CNTNAP5: variants seen among roughly 807,000 people sequenced by gnomAD.
CNTNAP5 encodes the protein contactin-associated protein-like 5.
Under a neutral mutation model 150.2 loss-of-function variants are expected in CNTNAP5, and 72 were observed. The ratio of observed to expected loss-of-function variants is 0.48; its 90% CI spans 0.40 to 0.58. The LOEUF is 0.58. CNTNAP5 is among the 20% of genes least tolerant of loss of function. CNTNAP5 has a pLI of 0.00. For missense variants in CNTNAP5, 1,636 were observed against 1,626.2 expected, an observed-to-expected ratio of 1.01 and a Z score of -0.10; for synonymous variants, 672 against 619.8, an observed-to-expected ratio of 1.08 and a Z score of -1.25.
chr2:124,903,969 G>A (rs889002139), intron 22 of CNTNAP5, among the ~76,000 whole-genome samples: 4 of 142,604 alleles, frequency 2.8e-5, no homozygotes, highest in East Asian at 2.1e-4. Context: ...AATGAGAATC[G>A]CTTGAACCTG....
intron 3 of CNTNAP5, among the ~76,000 whole-genome samples, chr2:124,274,397 C>T (rs1184951778): frequency 1.3e-5 from 2 of 152,162 alleles, no homozygotes; most frequent in Non-Finnish European, 2.9e-5. Context: ...ATTTTCACCG[C>T]TTTTTCCCTC....
In CNTNAP5 at chr2:124,830,959, G is replaced by T. The variant is rs542749042; in HGVS notation, c.3217+32639G>T. ...ACATAAATCTGAAAAGCTTCAAAAA[G>T]AAACTGATTTCAGAATTAAAAATCA... On this transcript the variant is annotated intron_variant, in intron 19 of 23. Coordinates refer to ENST00000682447, the MANE Select transcript of CNTNAP5 (RefSeq NM_001367498.1). Among the ~76,000 whole-genome samples, 92 of 152,072 alleles carry T rather than the reference G, an allele frequency of 6.0e-4. 1 individual carries two copies. Among genetic ancestry groups the T allele is most frequent in the Middle Eastern group, 3.4e-3 (1 of 294 alleles).
chr2:124,610,222 A>T (rs1677350619), intron 12 of CNTNAP5, among the ~76,000 whole-genome samples: 1 of 152,212 alleles, frequency 6.6e-6, no homozygotes, highest in Admixed American at 6.5e-5. Context: ...CAAAAACAGA[A>T]AGAAAAGGTA....
intron 13 of CNTNAP5, among the ~76,000 whole-genome samples, chr2:124,718,351 G>A (rs2105112991): frequency 6.6e-6 from 1 of 152,254 alleles, no homozygotes; most frequent in African/African-American, 2.4e-5. Flanking sequence ...CTCGTAAACA[G>A]TGTAAAAACT....
At chr2:124,845,532 A>G (rs559399973) in intron 19 of CNTNAP5, among the ~76,000 whole-genome samples, 85 of 148,650 alleles carry the variant, frequency 5.7e-4, no homozygotes, top group Non-Finnish European at 1.2e-3. Flanking sequence ...TTCTTTCTCT[A>G]TCTTTTGGAA....
chr2:124,216,521 T>C (rs1483905185), intron 1 of CNTNAP5, among the ~76,000 whole-genome samples: 3 of 152,136 alleles, frequency 2.0e-5, no homozygotes, highest in Non-Finnish European at 4.4e-5. Context: ...GTATATCTCC[T>C]AATGCTATTC....
intron 19 of CNTNAP5, among the ~76,000 whole-genome samples, chr2:124,827,846 T>G (rs1240173293): frequency 6.6e-6 from 1 of 152,182 alleles, no homozygotes; most frequent in Non-Finnish European, 1.5e-5. Flanking sequence ...GTTCTGTAGT[T>G]TCTGTGTTTT....
intron 20 of CNTNAP5, among the ~76,000 whole-genome samples, chr2:124,869,124 G>T (rs183148840): frequency 6.6e-6 from 1 of 152,268 alleles, no homozygotes; most frequent in Admixed American, 6.5e-5. Flanking sequence ...CATGTTGGTT[G>T]CAGCTAACTG....
chr2:124,113,180 T>C (rs1430997730), intron 1 of CNTNAP5, among the ~76,000 whole-genome samples: 1 of 152,054 alleles, frequency 6.6e-6, no homozygotes, highest in Non-Finnish European at 1.5e-5. Context: ...ATGCACATCA[T>C]CCTAACAGCA....
At chr2:124,792,720 ACTTT>A (rs1487936561) in intron 18 of CNTNAP5, among the ~76,000 whole-genome samples, 1 of 152,108 alleles carries the variant, frequency 6.6e-6, no homozygotes, top group African/African-American at 2.4e-5. Context: ...CCACTAATCT[ACTTT>A]CTTTTTCTGT....
chr2:124,905,128 T>TG (rs1046092168), intron 22 of CNTNAP5, among the ~76,000 whole-genome samples: 4 of 146,378 alleles, frequency 2.7e-5, no homozygotes, highest in African/African-American at 7.4e-5. Flanking sequence ...TTTTTTTTGT[T>TG]TTTTTTTTTT....
chr2:124,445,438 G>GA (rs956424572), intron 5 of CNTNAP5, among the ~76,000 whole-genome samples: 8 of 152,146 alleles, frequency 5.3e-5, no homozygotes, highest in African/African-American at 1.2e-4. Context: ...GAGGTAAGGA[G>GA]AAAAAATGAA....
At chr2:124,026,005 C>T (rs1443034157) in intron 1 of CNTNAP5, among the ~76,000 whole-genome samples, 1 of 152,174 alleles carries the variant, frequency 6.6e-6, no homozygotes, top group African/African-American at 2.4e-5. Flanking sequence ...GCTAGCTCCG[C>T]GTTCCATGCC....
At chr2:124,318,877 A>G (rs1689032502) in intron 3 of CNTNAP5, among the ~76,000 whole-genome samples, 1 of 151,926 alleles carries the variant, frequency 6.6e-6, no homozygotes, top group African/African-American at 2.4e-5. Flanking sequence ...TCATTACAGC[A>G]CCTACTGGGT....
chr2:124,145,723 A>C (rs142575254), intron 1 of CNTNAP5, among the ~76,000 whole-genome samples: 9,607 of 130,666 alleles, frequency 0.074, 549 homozygotes, highest in Non-Finnish European at 0.12. Context: ...GCAGTGCACC[A>C]GCATGGCACA....
At chr2:124,743,237 A>T (rs1680536127) in intron 13 of CNTNAP5, among the ~76,000 whole-genome samples, 1 of 152,234 alleles carries the variant, frequency 6.6e-6, no homozygotes, top group Admixed American at 6.5e-5. Flanking sequence ...TGGTGGAAGA[A>T]ATAGAGATTT....
chr2:124,713,283 T>TTC (rs1261572500), intron 13 of CNTNAP5, among the ~76,000 whole-genome samples: 17 of 129,042 alleles, frequency 1.3e-4, no homozygotes, highest in Non-Finnish European at 2.4e-4. Flanking sequence ...CTTTCTTTCT[T>TTC]TCTTTCTTTC....
Position 124,434,557 on chromosome 2 carries a change from C to T in CNTNAP5, c.603C>T (p.Leu201=). 1.9e-6 allele frequency: 3 copies of T among 1,613,954 alleles called. No individual in the cohort carries two copies. In the South Asian group the frequency reaches 3.3e-5, roughly 18 times the overall value. Residue 201 remains leucine, a synonymous_variant, in exon 5 of 24, where the codon CTC becomes CTT. Coordinates refer to ENST00000682447, the MANE Select transcript of CNTNAP5 (RefSeq NM_001367498.1). ...YRFNQKLMST[L]KDVISLKFKS... ...TCAATCAGAAGTTGATGAGTACTCTCAAAGATGTGATCTCCCTGAAGTTCA... is the reference window on the plus strand; with the variant it reads ...TCAATCAGAAGTTGATGAGTACTCTTAAAGATGTGATCTCCCTGAAGTTCA...
chr2:124,207,842 G>A (rs143042607), intron 1 of CNTNAP5, among the ~76,000 whole-genome samples: 2 of 152,182 alleles, frequency 1.3e-5, no homozygotes, highest in Middle Eastern at 3.2e-3. Context: ...ATCTGACCGT[G>A]ACAGATTTGC....
Sources: allele counts gnomAD v4.1 joint callset (sites outside exome capture counted in the v4.1 genomes callset), GRCh38; gene constraint gnomAD v4.1.1; transcripts MANE v1.5; gene names NCBI Gene and HGNC (gene_info 2026-07-23, HGNC 2026-07-21).